SGCZ: variants seen among roughly 807,000 people sequenced by gnomAD.
SGCZ encodes sarcoglycan zeta, also known as zeta-sarcoglycan.
Under a neutral mutation model 41.3 loss-of-function variants are expected in SGCZ, and 40 were observed. The ratio of observed to expected loss-of-function variants is 0.97; its 90% confidence interval spans 0.75 to 1.26. The LOEUF (loss-of-function observed/expected upper bound fraction) is 1.26, where lower values mean the gene tolerates loss of function less well. Among genes scored for constraint, SGCZ ranks in the 50% most tolerant of loss-of-function variants. SGCZ has a pLI of 0.00. For missense variants in SGCZ, 552 were observed against 369.8 expected, an observed-to-expected ratio of 1.49 and a Z score of -4.04; for synonymous variants, 206 against 137.5, an observed-to-expected ratio of 1.50 and a Z score of -3.49.
intron 2 of SGCZ, among the ~76,000 whole-genome samples, chr8:14,540,186 A>G (rs2117148385): frequency 9.0e-6 from 1 of 111,048 alleles, no homozygotes; most frequent in East Asian, 2.6e-4. Flanking sequence ...CTATATTTTT[A>G]CTCCTGGAAA....
chr8:14,703,182 G>C (rs1461099969), intron 1 of SGCZ, among the ~76,000 whole-genome samples: 1 of 151,898 alleles, frequency 6.6e-6, no homozygotes, highest in Non-Finnish European at 1.5e-5. Context: ...CACAATGAAA[G>C]CACAATTCAC....
chr8:14,330,660 C>A (rs1802284250), intron 2 of SGCZ, among the ~76,000 whole-genome samples: 1 of 151,684 alleles, frequency 6.6e-6, no homozygotes, highest in South Asian at 2.1e-4. Flanking sequence ...AATCCACAGC[C>A]AGAACTTTGC....
rs552955592 is a variant in SGCZ, at chr8:14,455,119, A to G, written c.234+99613T>C. ...AAGAGGGAGAAAATATATGTAACAT[A>G]TACCATGGTTGAAGGGCTAATATTC... is the stretch of plus-strand genomic sequence containing the variant. On this transcript the variant is annotated intron_variant, in intron 2 of 7. Transcript: ENST00000382080. Among the ~76,000 whole-genome samples, 21 of 152,286 alleles carry G rather than the reference A, an allele frequency of 1.4e-4. 1 individual carries two copies. The highest frequency in any genetic ancestry group is 4.8e-4 in the African/African-American group (20 of 41,554).
intron 1 of SGCZ, among the ~76,000 whole-genome samples, chr8:14,953,338 G>T (rs534167443): frequency 1.3e-5 from 2 of 152,254 alleles, no homozygotes; most frequent in Admixed American, 6.5e-5. Context: ...GATGTCTTGA[G>T]AACTCTGTCA....
chr8:14,210,609 T>G (rs761118574), intron 4 of SGCZ, among the ~76,000 whole-genome samples: 2 of 151,808 alleles, frequency 1.3e-5, no homozygotes, highest in Non-Finnish European at 2.9e-5. Flanking sequence ...ATGACAGGCA[T>G]GCGTCACCAC....
At chr8:15,117,369 A>G (rs926948093) in intron 1 of SGCZ, among the ~76,000 whole-genome samples, 3 of 152,208 alleles carry the variant, frequency 2.0e-5, no homozygotes, top group Non-Finnish European at 4.4e-5. Flanking sequence ...AAAAAAAAAA[A>G]AAGTATAAAT....
At chr8:14,537,803 G>T (rs1375132136) in intron 2 of SGCZ, among the ~76,000 whole-genome samples, 1 of 151,900 alleles carries the variant, frequency 6.6e-6, no homozygotes, top group Non-Finnish European at 1.5e-5. Context: ...CTAAAGAGCT[G>T]TTATACTTTC....
chr8:14,786,799 C>T (rs527809283), intron 1 of SGCZ, among the ~76,000 whole-genome samples: 1 of 149,766 alleles, frequency 6.7e-6, no homozygotes, highest in South Asian at 2.1e-4. Context: ...AGCTAAAGAT[C>T]CCATGTTTTA....
intron 1 of SGCZ, among the ~76,000 whole-genome samples, chr8:15,177,252 G>C (rs1056657055): frequency 6.6e-6 from 1 of 152,180 alleles, no homozygotes; most frequent in Non-Finnish European, 1.5e-5. Flanking sequence ...AGGGCATTTA[G>C]ATGTTCCTCA....
At chr8:14,355,390 G>A (rs568501719) in intron 2 of SGCZ, among the ~76,000 whole-genome samples, 1 of 152,046 alleles carries the variant, frequency 6.6e-6, no homozygotes, top group Admixed American at 6.6e-5. Context: ...TCTCCCTTTT[G>A]AAGACAAATT....
intron 3 of SGCZ, among the ~76,000 whole-genome samples, chr8:14,239,331 G>T (rs962211211): frequency 1.3e-5 from 2 of 151,530 alleles, no homozygotes; most frequent in East Asian, 3.9e-4. Flanking sequence ...ATGTTAAAAA[G>T]GAGCTTTGAA....
chr8:14,963,599 C>A (rs1359230151), intron 1 of SGCZ, among the ~76,000 whole-genome samples: 1 of 152,142 alleles, frequency 6.6e-6, no homozygotes, highest in Non-Finnish European at 1.5e-5. Context: ...CCACCCGCCT[C>A]AGCCTCTCAA....
intron 1 of SGCZ, among the ~76,000 whole-genome samples, chr8:14,622,065 A>C (rs755281491): frequency 6.6e-5 from 10 of 152,148 alleles, no homozygotes; most frequent in South Asian, 4.1e-4. Context: ...AGACTAGATG[A>C]GGTCATCAGA....
intron 2 of SGCZ, among the ~76,000 whole-genome samples, chr8:14,376,230 G>A (rs892642824): frequency 5.3e-5 from 8 of 152,140 alleles, no homozygotes; most frequent in African/African-American, 1.9e-4. Flanking sequence ...AGAATTCCTT[G>A]AACCTGGCAG....
chr8:15,212,147 T>G (rs1307817088), intron 1 of SGCZ, among the ~76,000 whole-genome samples: 1 of 152,146 alleles, frequency 6.6e-6, no homozygotes, highest in African/African-American at 2.4e-5. Context: ...AATAACAATA[T>G]GTTCAAAATT....
intron 5 of SGCZ, among the ~76,000 whole-genome samples, chr8:14,117,805 A>C (rs1368435342): frequency 6.6e-6 from 1 of 150,774 alleles, no homozygotes; most frequent in Non-Finnish European, 1.5e-5. Flanking sequence ...TCATTGTTCA[A>C]TTCCCACTTA....
At chr8:14,305,491 G>A (rs982542383) in intron 3 of SGCZ, among the ~76,000 whole-genome samples, 1 of 151,972 alleles carries the variant, frequency 6.6e-6, no homozygotes, top group African/African-American at 2.4e-5. Flanking sequence ...CAAAAATCTA[G>A]AAATTTTATT....
chr8:15,029,490 G>A (rs939234632), intron 1 of SGCZ, among the ~76,000 whole-genome samples: 1 of 151,992 alleles, frequency 6.6e-6, no homozygotes, highest in Non-Finnish European at 1.5e-5. Flanking sequence ...ATCAAAGAAA[G>A]TTAGTATGTT....
chr8:14,959,934 C>T (rs530968505), intron 1 of SGCZ, among the ~76,000 whole-genome samples: 1 of 152,108 alleles, frequency 6.6e-6, no homozygotes, highest in Non-Finnish European at 1.5e-5. Flanking sequence ...TAACTGATTA[C>T]CATGGGGCTG....
Sources: allele counts gnomAD v4.1 joint callset (sites outside exome capture counted in the v4.1 genomes callset), GRCh38; gene constraint gnomAD v4.1.1; transcripts MANE v1.5; gene names NCBI Gene and HGNC (gene_info 2026-07-23, HGNC 2026-07-21).